Variants in VGLL4 observed in about 807,000 individuals in gnomAD.
The protein encoded by VGLL4 is transcription cofactor vestigial-like protein 4.
VGLL4 carries 7 observed loss-of-function variants against 21.0 expected under a neutral mutation model. The ratio of observed to expected loss-of-function variants is 0.33; its 90% confidence interval spans 0.19 to 0.63. The LOEUF is 0.63. VGLL4 is among the 20% of genes least tolerant of loss of function. The pLI, the probability that VGLL4 is intolerant of heterozygous loss-of-function variation, is 0.78. For synonymous variants in VGLL4, 222 were observed against 173.2 expected (o/e 1.28, Z -2.21); for missense variants, 394 against 425.7 (o/e 0.93, Z 0.66).
intron 1 of VGLL4, among the ~76,000 whole-genome samples, chr3:11,703,222 T>C (rs2076708606): frequency 6.6e-6 from 1 of 152,168 alleles, no homozygotes; most frequent in Admixed American, 6.5e-5. Context: ...GAGAAAAGGG[T>C]TAAACTCCAT....
intron 1 of VGLL4, among the ~76,000 whole-genome samples, chr3:11,631,100 G>A (rs1343357881): frequency 6.6e-6 from 1 of 152,196 alleles, no homozygotes; most frequent in Non-Finnish European, 1.5e-5. Flanking sequence ...GAAACACTAC[G>A]TTAGGCACAA....
intron 2 of VGLL4, among the ~76,000 whole-genome samples, chr3:11,569,360 C>G (rs2073680881): frequency 6.6e-6 from 1 of 152,168 alleles, no homozygotes; most frequent in Non-Finnish European, 1.5e-5. Context: ...CCCAAAGGCC[C>G]CTGAGCACCA....
intron 1 of VGLL4, chr3:11,720,269 G>A (rs567030318): frequency 2.3e-4 from 35 of 151,720 alleles, no homozygotes; most frequent in Non-Finnish European, 4.0e-4. Flanking sequence ...GCGCCGGTTC[G>A]CCGTCCACAC....
intron 1 of VGLL4, among the ~76,000 whole-genome samples, chr3:11,718,122 G>A (rs991397452): frequency 1.3e-5 from 2 of 152,198 alleles, no homozygotes; most frequent in African/African-American, 4.8e-5. Context: ...GAAAGCAAAG[G>A]CAGGCTGCCC....
chr3:11,601,516 A>C lies in VGLL4; in HGVS notation c.272+317T>G, dbSNP rs528172432. Among the ~76,000 whole-genome samples, 3 of 152,074 alleles carry C rather than the reference A, an allele frequency of 2.0e-5. No homozygotes were observed. In the South Asian group the frequency reaches 6.2e-4, roughly 32 times the overall value. On this transcript the variant is annotated intron_variant, in intron 2 of 4. Transcript: ENST00000430365. ...CTAAAAACAATCAATATGTATGGGC[A>C]AAAAAAAGCGAAGCTTAGCAGATGA...
intron 1 of VGLL4, among the ~76,000 whole-genome samples, chr3:11,640,747 G>T (rs993822557): frequency 3.3e-5 from 5 of 152,286 alleles, no homozygotes; most frequent in East Asian, 3.9e-4. Context: ...AGTCAGTCAG[G>T]AAGGAAGACC....
chr3:11,578,881 C>G (rs1575408186), intron 2 of VGLL4, among the ~76,000 whole-genome samples: 1 of 151,446 alleles, frequency 6.6e-6, no homozygotes, highest in East Asian at 2.0e-4. Context: ...TCCCAAGTAG[C>G]TGGGACTACA....
In VGLL4 at chr3:11,643,893, G is replaced by A. The variant is rs1341972637; in HGVS notation, c.-375C>T. 2 of 1,029,056 alleles carry A rather than the reference G, an allele frequency of 1.9e-6. No individual in the cohort carries two copies. The highest frequency in any genetic ancestry group is 1.1e-4 in the Admixed American group (2 of 18,830). The allele number at this position is 1,029,056 out of a possible 1,614,324, so 63.7% of individuals were successfully genotyped here. A position where few individuals can be genotyped will look rare whatever the true frequency, so the allele number is the denominator to read the frequency against. On this transcript the variant is annotated 5_prime_UTR_variant, in exon 1 of 5. Coordinates refer to ENST00000430365, the MANE Select transcript of VGLL4 (RefSeq NM_001128219.3). ...CCCCTCTCACAGCCCGCTGCAAGCCGGCAGCGCTGACATGAGGGCTATGCT... is the reference window on the plus strand; with the variant it reads ...CCCCTCTCACAGCCCGCTGCAAGCCAGCAGCGCTGACATGAGGGCTATGCT...
At chr3:11,661,461 T>C (rs200817686) in intron 2 of VGLL4, among the ~76,000 whole-genome samples, 2 of 150,816 alleles carry the variant, frequency 1.3e-5, no homozygotes, top group East Asian at 2.0e-4. Flanking sequence ...ATTTATTTAT[T>C]TATCTATTTA....
chr3:11,650,712 A>G (rs1246735226), intron 2 of VGLL4, among the ~76,000 whole-genome samples: 2 of 121,648 alleles, frequency 1.6e-5, no homozygotes, highest in African/African-American at 6.3e-5. Flanking sequence ...CTTGCTACAC[A>G]TAGAAAACAC....
At chr3:11,561,694 G>T (rs1423197005) in intron 3 of VGLL4, among the ~76,000 whole-genome samples, 1 of 152,062 alleles carries the variant, frequency 6.6e-6, no homozygotes, top group East Asian at 1.9e-4. Context: ...TTCCAGATGG[G>T]GAAAATGAAG....
rs1268612070 is a variant in VGLL4 at position 11,695,836 on chromosome 3, TCACTGATG to T, written c.64+7127_64+7134del. On this transcript the variant is annotated intron_variant, in intron 2 of 5. Transcript: ENST00000273038. The stretch of plus-strand genomic sequence containing the variant: ...GTATTTTAGGATATGAAAGTAAAAA[TCACTGATG>T]CAGTGATCAGATAAGCCTCCAAACT... Among the ~76,000 whole-genome samples, 5 of 152,022 alleles carry T rather than the reference TCACTGATG, an allele frequency of 3.3e-5. No homozygotes were observed. In the East Asian group the frequency reaches 9.6e-4, roughly 29 times the overall value.
At chr3:11,689,657 G>A (rs963597731) in intron 2 of VGLL4, among the ~76,000 whole-genome samples, 2 of 152,086 alleles carry the variant, frequency 1.3e-5, no homozygotes, top group African/African-American at 4.8e-5. Context: ...GTGATCCTTT[G>A]ATGTGCATTC....
chr3:11,684,392 T>TA (rs1183024231), intron 2 of VGLL4, among the ~76,000 whole-genome samples: 3 of 151,964 alleles, frequency 2.0e-5, no homozygotes, highest in Admixed American at 6.6e-5. Context: ...TTTTTTTCTT[T>TA]AAAAAAAAGA....
At chr3:11,569,387 C>T (rs993551820) in intron 2 of VGLL4, among the ~76,000 whole-genome samples, 2 of 152,172 alleles carry the variant, frequency 1.3e-5, no homozygotes, top group Non-Finnish European at 2.9e-5. Flanking sequence ...GGCAGGTGCT[C>T]CCACCCAGTG....
At chr3:11,631,325 AG>A (rs1451173069) in intron 1 of VGLL4, among the ~76,000 whole-genome samples, 2 of 152,206 alleles carry the variant, frequency 1.3e-5, no homozygotes, top group African/African-American at 4.8e-5. Flanking sequence ...AGAATAATGG[AG>A]GCCAAAGTTT....
In VGLL4 at chr3:11,558,686, G is replaced by C. The variant is rs765140042; in HGVS notation, c.761C>G (p.Thr254Arg). Residue 254 changes from threonine to arginine, a missense_variant, in exon 5 of 5, where the codon ACG (threonine) becomes AGG (arginine). Physicochemically the swap from Thr to Arg is moderately conservative, Grantham distance 71. Transcript: ENST00000430365. Reference protein sequence around the residue: ...DDHFAKALGDTWLQIKAAKDG... With the variant: ...DDHFAKALGDRWLQIKAAKDG... Reference sequence around the variant, plus strand: ...CTTGGCCGCTTTGATCTGGAGCCACGTGTCACCCAGAGCTTTGGCAAAGTG... The same window carrying C: ...CTTGGCCGCTTTGATCTGGAGCCACCTGTCACCCAGAGCTTTGGCAAAGTG... 1 of 1,613,786 alleles carries C rather than the reference G, an allele frequency of 6.2e-7. No homozygotes were observed. The highest frequency in any genetic ancestry group is 1.1e-5 in the South Asian group (1 of 91,086).
At chr3:11,652,380 C>A (rs9833568) in intron 2 of VGLL4, among the ~76,000 whole-genome samples, 20,971 of 152,074 alleles carry the variant, frequency 0.14, 1,649 homozygotes, top group African/African-American at 0.2. Context: ...TAAATTTAAC[C>A]TTAATAATCC....
chr3:11,717,033 G>A (rs899929731), intron 1 of VGLL4, among the ~76,000 whole-genome samples: 6 of 151,956 alleles, frequency 3.9e-5, no homozygotes, highest in African/African-American at 9.7e-5. Flanking sequence ...TCTCACACAA[G>A]CAATAAGCAG....
Sources: gnomAD v4.1 joint callset for allele counts (sites outside exome capture counted in the v4.1 genomes callset) on GRCh38, gnomAD v4.1.1 for gene constraint, MANE v1.5 for transcripts, NCBI Gene and HGNC (gene_info 2026-07-23, HGNC 2026-07-21) for gene names.